RAB33A: variants seen among roughly 807,000 people sequenced by gnomAD.
The protein encoded by RAB33A is RAB33A, member RAS oncogene family, also known as ras-related protein Rab-33A.
A neutral mutation model predicts 12.0 loss-of-function variants in RAB33A; 6 were observed. The ratio of observed to expected loss-of-function variants is 0.50; its 90% CI spans 0.27 to 0.99. The LOEUF is 0.99. RAB33A is among the 50% of genes least tolerant of loss of function. RAB33A has a pLI of 0.11. For missense variants in RAB33A, 109 were observed against 192.0 expected (o/e 0.57, Z 2.55); for synonymous variants, 70 against 82.4 (o/e 0.85, Z 0.81).
chrX:130,134,031 T>C, the RAB33A span, among the ~76,000 whole-genome samples: 1 of 109,650 alleles, frequency 9.1e-6, no homozygotes, highest in African/African-American at 3.3e-5. Flanking sequence ...TCACAAGGAG[T>C]TCGAGACAAG....
the RAB33A span, among the ~76,000 whole-genome samples, chrX:130,164,953 CTG>C: frequency 4.5e-5 from 5 of 110,267 alleles, no homozygotes; most frequent in Non-Finnish European, 9.5e-5. Flanking sequence ...GTTCTGCAAA[CTG>C]TTTCTTTGAA....
the RAB33A span, chrX:130,155,287 C>T: frequency 8.3e-7 from 1 of 1,209,403 alleles, no homozygotes; most frequent in Admixed American, 2.2e-5. Flanking sequence ...GACTGCACAA[C>T]TGTAGGTAAA....
At chrX:130,171,271 T>C (rs933050233), upstream of RAB33A, among the ~76,000 whole-genome samples, 7 of 112,482 alleles carry the variant, frequency 6.2e-5, no homozygotes, top group Admixed American at 4.6e-4. Flanking sequence ...TGCTCACTCA[T>C]TAAGACAGAG....
At chrX:130,131,677 G>A in the RAB33A span, 3 of 1,211,889 alleles carry the variant, frequency 2.5e-6, no homozygotes, top group Non-Finnish European at 3.3e-6. Context: ...TTTCTTACCT[G>A]ACTGCTCTGT....
At chrX:130,138,381 C>T in the RAB33A span, among the ~76,000 whole-genome samples, 3 of 111,396 alleles carry the variant, frequency 2.7e-5, no homozygotes, top group Non-Finnish European at 3.8e-5. Context: ...AGGAGAATGG[C>T]CTGAACCCGG....
chrX:130,139,385 T>G, the RAB33A span, among the ~76,000 whole-genome samples: 1 of 111,139 alleles, frequency 9.0e-6, no homozygotes, highest in Non-Finnish European at 1.9e-5. Flanking sequence ...ACAGCAGTTT[T>G]TATAAGCACA....
chrX:130,152,026 G>A, the RAB33A span, among the ~76,000 whole-genome samples: 2 of 108,809 alleles, frequency 1.8e-5, no homozygotes, highest in East Asian at 2.8e-4. Context: ...GCGACAGAGC[G>A]AGACTCTGTC....
At chrX:130,128,866 G>A in the RAB33A span, among the ~76,000 whole-genome samples, 1 of 112,112 alleles carries the variant, frequency 8.9e-6, no homozygotes, top group African/African-American at 3.2e-5. Context: ...TCTGTCCCCT[G>A]CAGGACCCAA....
At chrX:130,122,185 A>T in the RAB33A span, among the ~76,000 whole-genome samples, 1 of 111,900 alleles carries the variant, frequency 8.9e-6, no homozygotes, top group Non-Finnish European at 1.9e-5. Context: ...AGAGGATTGG[A>T]TTGTCTCATC....
chrX:130,129,878 G>T, the RAB33A span: 1 of 1,066,057 alleles, frequency 9.4e-7, no homozygotes, highest in Non-Finnish European at 1.3e-6. Flanking sequence ...CCTGGCCGGG[G>T]GACAATGCAT....
the RAB33A span, among the ~76,000 whole-genome samples, chrX:130,126,418 G>A: frequency 7.3e-5 from 8 of 110,099 alleles, no homozygotes; most frequent in African/African-American, 2.6e-4. Context: ...CTTGAACCCA[G>A]GAGGTGGAGG....
At chrX:130,111,234 C>T in the RAB33A span, among the ~76,000 whole-genome samples, 1 of 111,727 alleles carries the variant, frequency 9.0e-6, no homozygotes, top group Non-Finnish European at 1.9e-5. Context: ...CACTCTGCTT[C>T]TAGCCAGCGA....
the RAB33A span, among the ~76,000 whole-genome samples, chrX:130,147,221 G>A: frequency 8.9e-6 from 1 of 112,293 alleles, no homozygotes; most frequent in Non-Finnish European, 1.9e-5. Flanking sequence ...TTCACCTAAA[G>A]AAGCTTAACA....
chrX:130,164,944 T>C, the RAB33A span, among the ~76,000 whole-genome samples: 1 of 110,080 alleles, frequency 9.1e-6, no homozygotes, highest in Non-Finnish European at 1.9e-5. Context: ...ATACAATGCG[T>C]TCTGCAAACT....
the RAB33A span, among the ~76,000 whole-genome samples, chrX:130,164,881 A>G: frequency 9.0e-6 from 1 of 111,188 alleles, no homozygotes; most frequent in Non-Finnish European, 1.9e-5. Context: ...GACCTTTACC[A>G]CAAAATCCCT....
chrX:130,173,288 G>A (rs1331622127), intron 1 of RAB33A, among the ~76,000 whole-genome samples: 1 of 111,682 alleles, frequency 9.0e-6, no homozygotes, highest in African/African-American at 3.3e-5. Flanking sequence ...GAGCAGAGGG[G>A]GGCCTCTATA....
chrX:130,111,185 G>A, the RAB33A span, among the ~76,000 whole-genome samples: 19 of 108,221 alleles, frequency 1.8e-4, no homozygotes, highest in African/African-American at 6.4e-4. Context: ...GGCGCCCGCA[G>A]AGCCCGCGTC....
At chrX:130,182,179 T>TATATATATACACAC (rs370694549) in intron 1 of RAB33A, among the ~76,000 whole-genome samples, 948 of 72,586 alleles carry the variant, frequency 0.013, 19 homozygotes, top group Non-Finnish European at 0.019. Context: ...TATATATATA[T>TATATATATACACAC]ATACACATAT....
intron 1 of RAB33A, 99 bp from the exon 2 acceptor site, chrX:130,184,186 T>C (rs1338159398): frequency 3.3e-5 from 27 of 825,238 alleles, no homozygotes; most frequent in Non-Finnish European, 4.0e-5. Flanking sequence ...ACCGCACCCG[T>C]CCTGTCACTT....
Sources: allele counts gnomAD v4.1 joint callset (sites outside exome capture counted in the v4.1 genomes callset), GRCh38; gene constraint gnomAD v4.1.1; transcripts MANE v1.5; gene names NCBI Gene and HGNC (gene_info 2026-07-23, HGNC 2026-07-21).